CPEB3: variants seen among roughly 807,000 people sequenced by gnomAD.
The protein encoded by CPEB3 is cytoplasmic polyadenylation element-binding protein 3.
Under a neutral mutation model 67.2 loss-of-function variants are expected in CPEB3, and 20 were observed. The observed-to-expected ratio is 0.30, with a 90% CI of 0.21 to 0.43. The LOEUF (loss-of-function observed/expected upper bound fraction) is 0.43, where lower values mean the gene tolerates loss of function less well. CPEB3 is among the 20% of genes least tolerant of loss of function. The pLI is 1.00. For synonymous variants in CPEB3, 376 were observed against 393.1 expected, an observed-to-expected ratio of 0.96 and a Z score of 0.51; for missense variants, 746 against 968.6, an observed-to-expected ratio of 0.77 and a Z score of 3.05.
At chr10:92,063,191 C>T (rs1160795975) in intron 9 of CPEB3, among the ~76,000 whole-genome samples, 6 of 152,138 alleles carry the variant, frequency 3.9e-5, no homozygotes, top group Admixed American at 1.3e-4. Context: ...AAAATATTTC[C>T]GTCTGCAGTC....
At chr10:92,283,701 A>ATTTC (rs1313537372) in intron 1 of CPEB3, among the ~76,000 whole-genome samples, 1 of 125,628 alleles carries the variant, frequency 8.0e-6, no homozygotes, top group African/African-American at 2.8e-5. Flanking sequence ...AATGGGGTCT[A>ATTTC]TTTCTTTTTT....
rs1447607953 is a variant in CPEB3, at chr10:92,239,667, G to A, written c.684C>T (p.Ala228=). Residue 228 remains alanine (A), a synonymous_variant, in exon 2 of 10, where the codon GCC becomes GCT. Transcript: ENST00000265997. This position sits in a 1 kb window ranked among gnomAD's most constrained non-coding sequence, Gnocchi z 6.0. ...SKPSSSSAVA[A]AAAAAAASSA... ...ACGAGGCGGCGGCTGCGGCAGCAGC[G>A]GCTGCAACCGCCGAAGACGAGGACG... 3.2e-6 allele frequency: 5 copies of A among 1,561,978 alleles called. No homozygotes were observed. The South Asian group carries it at 3.5e-5, about 11-fold the overall frequency.
chr10:92,186,585 C>T (rs561522002), intron 3 of CPEB3, among the ~76,000 whole-genome samples: 15 of 152,130 alleles, frequency 9.9e-5, no homozygotes, highest in African/African-American at 3.4e-4. Flanking sequence ...CAGGCGCCTG[C>T]CACCACACCT....
chr10:92,079,863 G>T (rs2133201418), intron 9 of CPEB3, among the ~76,000 whole-genome samples: 1 of 152,212 alleles, frequency 6.6e-6, no homozygotes, highest in Admixed American at 6.5e-5. Flanking sequence ...TTCTTTACTA[G>T]AAGAATTAAT....
At chr10:92,133,543 AG>A (rs1845944470) in intron 6 of CPEB3, among the ~76,000 whole-genome samples, 2 of 152,218 alleles carry the variant, frequency 1.3e-5, no homozygotes, top group African/African-American at 4.8e-5. Flanking sequence ...TACCAAAAAA[AG>A]TCCAGGACCA....
intron 1 of CPEB3, among the ~76,000 whole-genome samples, chr10:92,263,162 G>A (rs976431990): frequency 3.7e-4 from 56 of 152,076 alleles, no homozygotes; most frequent in African/African-American, 1.2e-3. Context: ...TGCAACCTCC[G>A]CCTCCCAGGT....
At chr10:92,189,561 A>C (rs1419926472) in intron 3 of CPEB3, among the ~76,000 whole-genome samples, 1 of 152,206 alleles carries the variant, frequency 6.6e-6, no homozygotes, top group East Asian at 1.9e-4. Flanking sequence ...GACAGAATTC[A>C]CACCCAGGTT....
chr10:92,251,960 A>G (rs548278521), intron 1 of CPEB3, among the ~76,000 whole-genome samples: 1 of 151,934 alleles, frequency 6.6e-6, no homozygotes, highest in South Asian at 2.1e-4. Flanking sequence ...AAAAAAAAAA[A>G]GAAGTCACAA....
chr10:92,270,570 T>C (rs1286022684), intron 1 of CPEB3, among the ~76,000 whole-genome samples: 1 of 150,368 alleles, frequency 6.7e-6, no homozygotes, highest in Non-Finnish European at 1.5e-5. Flanking sequence ...TTTTTTTTTT[T>C]TTTTTTTTTT....
intron 7 of CPEB3, among the ~76,000 whole-genome samples, chr10:92,108,345 G>T (rs748032982): frequency 6.6e-6 from 1 of 152,176 alleles, no homozygotes; most frequent in Non-Finnish European, 1.5e-5. Flanking sequence ...ACTTCCAAAG[G>T]TTCAACACAG....
chr10:92,289,793 T>C (rs1321583564), intron 1 of CPEB3, among the ~76,000 whole-genome samples: 1 of 141,322 alleles, frequency 7.1e-6, no homozygotes, highest in African/African-American at 2.6e-5. Flanking sequence ...ATGTATTATA[T>C]ATTATAAATG....
chr10:92,240,153 G>T lies in CPEB3; in HGVS notation c.198C>A (p.Asn66Lys). ...LSPAAAPPAP[N>K]GPDKMQMESP... Reference sequence around the variant, plus strand: ...ATTCCATCTGCATCTTGTCCGGGCCGTTGGGGGCCGGGGGGGCAGCGGCTG... The same window carrying T: ...ATTCCATCTGCATCTTGTCCGGGCCTTTGGGGGCCGGGGGGGCAGCGGCTG... The change falls in exon 2 of 10, where the codon AAC becomes AAA. Residue 66 changes from asparagine to lysine, a missense_variant. By Grantham distance (94) the Asn-to-Lys change is moderately conservative. This residue lies in a region of CPEB3 where 643 missense variants were observed against 717.5 expected (regional missense o/e 0.90). Coordinates refer to ENST00000265997, the MANE Select transcript of CPEB3 (RefSeq NM_014912.5). 1.9e-6 allele frequency: 3 copies of T among 1,557,326 alleles called. No individual in the cohort carries two copies. The highest frequency in any genetic ancestry group is 1.9e-5 in the Admixed American group (1 of 51,804).
At chr10:92,255,561 A>G (rs1852480146) in intron 1 of CPEB3, among the ~76,000 whole-genome samples, 1 of 152,232 alleles carries the variant, frequency 6.6e-6, no homozygotes, top group Non-Finnish European at 1.5e-5. Flanking sequence ...ACAAGAAGGC[A>G]CTTGAAGATG....
chr10:92,162,758 T>C (rs1364899269), intron 4 of CPEB3, among the ~76,000 whole-genome samples: 2 of 152,206 alleles, frequency 1.3e-5, no homozygotes. Flanking sequence ...TGTTATTCCT[T>C]ATGACTTGGC....
chr10:92,147,060 C>T (rs1417740894), intron 4 of CPEB3, among the ~76,000 whole-genome samples: 4 of 152,240 alleles, frequency 2.6e-5, no homozygotes, highest in Middle Eastern at 3.4e-3. Flanking sequence ...ACTCAGAAAA[C>T]GAGAGCTGGG....
At chr10:92,127,404 G>A (rs1048980552) in intron 6 of CPEB3, among the ~76,000 whole-genome samples, 3 of 152,178 alleles carry the variant, frequency 2.0e-5, no homozygotes, top group African/African-American at 7.2e-5. Context: ...GGCCTGGTGT[G>A]GTGGCTCACG....
intron 2 of CPEB3, among the ~76,000 whole-genome samples, chr10:92,235,520 T>C (rs1174137627): frequency 1.3e-5 from 2 of 152,162 alleles, no homozygotes; most frequent in Non-Finnish European, 2.9e-5. Context: ...GTAAGAATAA[T>C]CATAACCCTA....
chr10:92,099,348 T>C (rs1483208893), intron 7 of CPEB3, among the ~76,000 whole-genome samples: 1 of 150,094 alleles, frequency 6.7e-6, no homozygotes, highest in African/African-American at 2.4e-5. Context: ...GACAGGGTTT[T>C]GCCATGTTGC....
intron 4 of CPEB3, among the ~76,000 whole-genome samples, chr10:92,155,680 T>C: frequency 6.6e-6 from 1 of 152,220 alleles, no homozygotes; most frequent in East Asian, 1.9e-4. Context: ...TCTGTCTCTC[T>C]TCCTCTCTCT....
Sources: gnomAD v4.1 joint callset for allele counts (sites outside exome capture counted in the v4.1 genomes callset) on GRCh38, gnomAD v4.1.1 for gene constraint, gnomAD v4.1.1 regional missense constraint, Gnocchi (gnomAD v3.1) non-coding constraint, MANE v1.5 for transcripts, NCBI Gene and HGNC (gene_info 2026-07-23, HGNC 2026-07-21) for gene names.